PSD3: variants seen among roughly 807,000 people sequenced by gnomAD.
PSD3 encodes the protein PH and SEC7 domain-containing protein 3.
Under a neutral mutation model 105.5 loss-of-function variants are expected in PSD3, and 49 were observed. The ratio of observed to expected loss-of-function variants is 0.46; its 90% CI spans 0.37 to 0.59. PSD3 has a LOEUF of 0.59. Among genes scored for constraint, PSD3 ranks in the 20% least tolerant of loss-of-function variants. The probability of loss-of-function intolerance (pLI) is 0.00; values close to 1 mark genes in which losing one functional copy is unlikely to be tolerated. For synonymous variants in PSD3, 557 were observed against 457.8 expected, an observed-to-expected ratio of 1.22 and a Z score of -2.77; for missense variants, 1,561 against 1,263.8, an observed-to-expected ratio of 1.24 and a Z score of -3.57.
intron 15 of PSD3, among the ~76,000 whole-genome samples, chr8:18,545,010 A>G (rs1800372879): frequency 6.6e-6 from 1 of 152,164 alleles, no homozygotes; most frequent in South Asian, 2.1e-4. Context: ...TTTGAATAAC[A>G]ACACTGTTGT....
In PSD3 at chr8:18,750,687, G is replaced by A. The variant is rs188392111; in HGVS notation, c.2172+14762C>T. Among the ~76,000 whole-genome samples, 1,149 of 152,118 alleles carry A rather than the reference G, an allele frequency of 7.6e-3. 14 individuals are homozygous for A. Among genetic ancestry groups the A allele is most frequent in the South Asian group, 0.05 (242 of 4,802 alleles). ...GCCGAGTGGCCTGTTTTGACAGGGC[G>A]CTGAGTGGTGCGTTTACAATCCCGG... is the stretch of plus-strand genomic sequence containing the variant. On this transcript the variant is annotated intron_variant, in intron 9 of 15. Transcript: ENST00000327040.
intron 2 of PSD3, among the ~76,000 whole-genome samples, chr8:18,916,279 A>G (rs904640814): frequency 2.6e-5 from 3 of 115,320 alleles, no homozygotes; most frequent in African/African-American, 9.6e-5. Context: ...TGGATTGCTG[A>G]ATGGATTTAA....
In PSD3 at chr8:18,666,060, C is replaced by CT. The variant is rs971159201; in HGVS notation, c.2173-10376dup. Among the ~76,000 whole-genome samples the CT allele has an allele frequency of 9.6e-4, 145 of 151,322 alleles. 1 individual carries two copies. The highest frequency in any genetic ancestry group is 1.4e-3 in the Non-Finnish European group (97 of 67,742). ...AAACTACAGTATAGTGTAAACATAC[C>CT]TTTTTTTTTGAGACAGTCTTGTGTG... On this transcript the variant is annotated intron_variant, in intron 9 of 15. Coordinates refer to ENST00000327040, the MANE Select transcript of PSD3 (RefSeq NM_015310.4).
At chr8:18,731,209 T>A (rs568480408) in intron 9 of PSD3, among the ~76,000 whole-genome samples, 1 of 152,072 alleles carries the variant, frequency 6.6e-6, no homozygotes. Flanking sequence ...TGAGCAGAGA[T>A]TGCACCACTG....
At chr8:18,859,224 C>CTTTTTTT (rs35179243) in intron 4 of PSD3, among the ~76,000 whole-genome samples, 4 of 130,382 alleles carry the variant, frequency 3.1e-5, no homozygotes, top group South Asian at 5.0e-4. Flanking sequence ...CAAAGAAATC[C>CTTTTTTT]TTTTTTTTTT....
At chr8:19,056,332 T>TTTAATTCAGTCAGAAA (rs2129477379) in intron 1 of PSD3, among the ~76,000 whole-genome samples, 1 of 152,218 alleles carries the variant, frequency 6.6e-6, no homozygotes, top group South Asian at 2.1e-4. Flanking sequence ...AGAAACTGGG[T>TTTAATTCAGTCAGAAA]CTGAATATGT....
At chr8:18,630,968 G>A (rs1235189651) in intron 11 of PSD3, among the ~76,000 whole-genome samples, 5 of 151,934 alleles carry the variant, frequency 3.3e-5, no homozygotes, top group Non-Finnish European at 5.9e-5. Context: ...AGTGTCCTTG[G>A]ATTTTGGTAC....
rs114641110 is a variant in PSD3, at chr8:18,829,475, C to T, written c.1635-24577G>A. ...AAACGTTCTAGTGCCTATAGAATCCCGTCCATCAACGCCCTAGCATGCTGT... is the reference window on the plus strand; with the variant it reads ...AAACGTTCTAGTGCCTATAGAATCCTGTCCATCAACGCCCTAGCATGCTGT... On this transcript the variant is annotated intron_variant, in intron 4 of 15. Transcript: ENST00000327040. Among the ~76,000 whole-genome samples, 249 of 152,214 alleles carry T rather than the reference C, an allele frequency of 1.6e-3. 1 individual carries two copies. The highest frequency in any genetic ancestry group is 4.8e-3 in the African/African-American group (200 of 41,518).
chr8:18,975,522 T>A (rs1019001643), intron 1 of PSD3, among the ~76,000 whole-genome samples: 6 of 152,004 alleles, frequency 3.9e-5, no homozygotes, highest in African/African-American at 1.4e-4. Context: ...CTTACCCAAG[T>A]CCCTCATTCT....
At chr8:18,757,476 A>T (rs1462182912) in intron 9 of PSD3, among the ~76,000 whole-genome samples, 1 of 152,084 alleles carries the variant, frequency 6.6e-6, no homozygotes, top group African/African-American at 2.4e-5. Context: ...ACAAACAAAC[A>T]AACAAACATT....
intron 10 of PSD3, among the ~76,000 whole-genome samples, chr8:18,634,763 C>T (rs966910903): frequency 6.6e-6 from 1 of 152,116 alleles, no homozygotes; most frequent in Non-Finnish European, 1.5e-5. Flanking sequence ...ATAGGTGATG[C>T]ATCTTTCTCA....
intron 9 of PSD3, among the ~76,000 whole-genome samples, chr8:18,720,011 C>G (rs1248660991): frequency 6.6e-6 from 1 of 152,088 alleles, no homozygotes; most frequent in Admixed American, 6.6e-5. Context: ...CGTAAGTTTT[C>G]TTGCCCTTAA....
At chr8:18,578,018 C>T (rs1381814621) in intron 12 of PSD3, among the ~76,000 whole-genome samples, 1 of 152,062 alleles carries the variant, frequency 6.6e-6, no homozygotes, top group African/African-American at 2.4e-5. Context: ...GGATATAGAA[C>T]ATATGGCTGC....
chr8:18,962,460 C>T (rs1823983484), intron 1 of PSD3, among the ~76,000 whole-genome samples: 1 of 152,082 alleles, frequency 6.6e-6, no homozygotes, highest in African/African-American at 2.4e-5. Context: ...CACACACACA[C>T]AGCAAAAGGT....
intron 15 of PSD3, among the ~76,000 whole-genome samples, chr8:18,551,825 T>C (rs1800786388): frequency 6.6e-6 from 1 of 152,072 alleles, no homozygotes; most frequent in Non-Finnish European, 1.5e-5. Context: ...CTTCCAAGCA[T>C]GAAGGGACTA....
chr8:18,630,741 A>G (rs10113517), intron 11 of PSD3, among the ~76,000 whole-genome samples: 2,500 of 151,820 alleles, frequency 0.016, 78 homozygotes, highest in African/African-American at 0.056. Context: ...GCAACTGTGT[A>G]TTCAACCAAC....
At chr8:19,066,887 T>C (rs1212113828) in intron 1 of PSD3, among the ~76,000 whole-genome samples, 2 of 152,212 alleles carry the variant, frequency 1.3e-5, no homozygotes, top group East Asian at 3.8e-4. Context: ...GTGCCCCAAT[T>C]ATTCATTTCC....
At chr8:18,783,450 G>T (rs1043201136) in intron 8 of PSD3, among the ~76,000 whole-genome samples, 2 of 151,986 alleles carry the variant, frequency 1.3e-5, no homozygotes, top group African/African-American at 4.8e-5. Flanking sequence ...TCTATTCTCT[G>T]TTTAATTCAT....
At chr8:18,603,932 C>A (rs1422542208) in intron 11 of PSD3, among the ~76,000 whole-genome samples, 1 of 152,156 alleles carries the variant, frequency 6.6e-6, no homozygotes, top group Non-Finnish European at 1.5e-5. Context: ...AGCCTGCAGA[C>A]CCGTGAGCCA....
Sources: gnomAD v4.1 joint callset for allele counts (sites outside exome capture counted in the v4.1 genomes callset) on GRCh38, gnomAD v4.1.1 for gene constraint, MANE v1.5 for transcripts, NCBI Gene and HGNC (gene_info 2026-07-23, HGNC 2026-07-21) for gene names.